Variants in TMEM163 observed in about 807,000 individuals in gnomAD.
TMEM163 encodes the protein transmembrane protein 163.
Under a neutral mutation model 29.3 loss-of-function variants are expected in TMEM163, and 17 were observed. The observed-to-expected ratio is 0.58, with a 90% CI of 0.40 to 0.87. The LOEUF (loss-of-function observed/expected upper bound fraction) is 0.87. TMEM163 is among the 40% of genes least tolerant of loss of function. The pLI is 0.00. For synonymous variants in TMEM163, 157 were observed against 160.6 expected (o/e 0.98, Z 0.17); for missense variants, 303 against 381.5 (o/e 0.79, Z 1.71).
At position 134,596,088 on chromosome 2, in the gene TMEM163, T is replaced by G. The variant is rs1038756952; in HGVS notation, c.323-43997A>C. Among the ~76,000 whole-genome samples, 3 of 152,372 alleles carry G rather than the reference T, an allele frequency of 2.0e-5. No individual in the cohort carries two copies. The East Asian group carries it at 5.8e-4, about 29-fold the overall frequency. On this transcript the variant is annotated intron_variant, in intron 2 of 7. Transcript: ENST00000281924. ...GCCGGTTCACTCTGATGGTAGTTTC[T>G]TTTGCTGCGCAGAAGCTCTTTAGTT...
chr2:134,497,614 G>A (rs938160519), intron 5 of TMEM163, among the ~76,000 whole-genome samples: 1 of 152,186 alleles, frequency 6.6e-6, no homozygotes, highest in Non-Finnish European at 1.5e-5. Context: ...TAAAGCGTGC[G>A]ACTGTTTATA....
chr2:134,697,146 A>G (rs1023288213), intron 2 of TMEM163, among the ~76,000 whole-genome samples: 1 of 152,040 alleles, frequency 6.6e-6, no homozygotes, highest in Non-Finnish European at 1.5e-5. Flanking sequence ...GCTCTATGTA[A>G]ACTATAATAT....
intron 2 of TMEM163, among the ~76,000 whole-genome samples, chr2:134,674,889 GT>G (rs1684081765): frequency 6.6e-6 from 1 of 152,140 alleles, no homozygotes; most frequent in African/African-American, 2.4e-5. Context: ...ATTGATCTTT[GT>G]AGCCAAAGCT....
At chr2:134,715,484 A>G (rs556135723) in intron 1 of TMEM163, among the ~76,000 whole-genome samples, 2 of 152,246 alleles carry the variant, frequency 1.3e-5, no homozygotes, top group Non-Finnish European at 2.9e-5. Flanking sequence ...AATAAGTACA[A>G]TGGGAAGACT....
chr2:134,692,076 GAGA>G (rs1242744542), intron 2 of TMEM163, among the ~76,000 whole-genome samples: 5 of 152,096 alleles, frequency 3.3e-5, no homozygotes, highest in African/African-American at 9.7e-5. Flanking sequence ...TTGACACAGG[GAGA>G]AGTAGAGAGA....
rs538319012 is a variant in TMEM163, at chr2:134,472,852, A to C, written c.556-6627T>G. Reference sequence around the variant, plus strand: ...CTATGCCATTAAAAAGATGTCAACCAATTAAAAAACTGAATTATACAAGGC... The same window carrying C: ...CTATGCCATTAAAAAGATGTCAACCCATTAAAAAACTGAATTATACAAGGC... On this transcript the variant is annotated intron_variant, in intron 5 of 7. Coordinates refer to ENST00000281924, the MANE Select transcript of TMEM163 (RefSeq NM_030923.5). Among the ~76,000 whole-genome samples, 7 of 152,358 alleles carry C rather than the reference A, an allele frequency of 4.6e-5. No homozygotes were observed. The South Asian group carries it at 1.4e-3, about 32-fold the overall frequency.
chr2:134,610,809 G>T (rs184198646), intron 2 of TMEM163, among the ~76,000 whole-genome samples: 1 of 152,286 alleles, frequency 6.6e-6, no homozygotes, highest in African/African-American at 2.4e-5. Flanking sequence ...CCAGGGTGAA[G>T]AACACAGCAC....
rs537663984 is a variant in TMEM163 at position 134,614,087 on chromosome 2, A to G, written c.323-61996T>C. 1.6e-3 allele frequency among the ~76,000 whole-genome samples: 247 copies of G among 152,328 alleles called. 1 individual carries two copies. The highest frequency in any genetic ancestry group is 9.7e-3 in the South Asian group (47 of 4,822). ...TAATGTTAAGGCTTATTATAGAGCTATGGTAATCAACACAATATAATACTG... is the reference window on the plus strand; with the variant it reads ...TAATGTTAAGGCTTATTATAGAGCTGTGGTAATCAACACAATATAATACTG... On this transcript the variant is annotated intron_variant, in intron 2 of 7. Coordinates refer to ENST00000281924, the MANE Select transcript of TMEM163 (RefSeq NM_030923.5).
chr2:134,675,732 C>G (rs898853500), intron 2 of TMEM163, among the ~76,000 whole-genome samples: 2 of 152,192 alleles, frequency 1.3e-5, no homozygotes, highest in Admixed American at 1.3e-4. Flanking sequence ...ACAGGGCAGC[C>G]TCCAGTGAAA....
chr2:134,512,048 T>C (rs1384352845), intron 4 of TMEM163, among the ~76,000 whole-genome samples: 1 of 152,182 alleles, frequency 6.6e-6, no homozygotes, highest in Non-Finnish European at 1.5e-5. Flanking sequence ...CTATGAAACA[T>C]GAAGAAACAC....
intron 2 of TMEM163, among the ~76,000 whole-genome samples, chr2:134,671,338 C>T (rs557859032): frequency 9.9e-5 from 15 of 152,242 alleles, no homozygotes; most frequent in Admixed American, 9.1e-4. Context: ...CCCTCCCCAA[C>T]TCCTGGCTCC....
At chr2:134,469,085 G>A (rs634542) in intron 5 of TMEM163, 25,851 of 152,114 alleles carry the variant, frequency 0.17, 2,746 homozygotes, top group South Asian at 0.31. Flanking sequence ...AGACAAGCCT[G>A]GTCAGCATTC....
At chr2:134,567,318 A>C (rs1208226526) in intron 2 of TMEM163, among the ~76,000 whole-genome samples, 1 of 152,222 alleles carries the variant, frequency 6.6e-6, no homozygotes, top group Non-Finnish European at 1.5e-5. Flanking sequence ...TAAGTTACAG[A>C]TATTTTAAAC....
intron 2 of TMEM163, among the ~76,000 whole-genome samples, chr2:134,626,629 G>T (rs1682858417): frequency 6.6e-6 from 1 of 152,146 alleles, no homozygotes; most frequent in Admixed American, 6.6e-5. Flanking sequence ...GCCATGAAAG[G>T]CAATATATCC....
At chr2:134,478,676 A>C (rs1460107450) in intron 5 of TMEM163, among the ~76,000 whole-genome samples, 1 of 152,212 alleles carries the variant, frequency 6.6e-6, no homozygotes, top group African/African-American at 2.4e-5. Context: ...AGAGTGTTAA[A>C]AGTTTGCAAA....
At chr2:134,696,532 A>G (rs1009497043) in intron 2 of TMEM163, among the ~76,000 whole-genome samples, 1 of 152,202 alleles carries the variant, frequency 6.6e-6, no homozygotes, top group African/African-American at 2.4e-5. Flanking sequence ...TCTGAACATG[A>G]GATTTCTCTC....
intron 2 of TMEM163, among the ~76,000 whole-genome samples, chr2:134,659,677 C>T (rs1683704745): frequency 6.6e-6 from 1 of 152,186 alleles, no homozygotes; most frequent in African/African-American, 2.4e-5. Flanking sequence ...CAAGTGAAGG[C>T]AGACAAATAT....
intron 4 of TMEM163, among the ~76,000 whole-genome samples, chr2:134,534,434 T>C (rs1011507921): frequency 1.3e-5 from 2 of 152,172 alleles, no homozygotes; most frequent in Non-Finnish European, 2.9e-5. Context: ...TAACCTGTCA[T>C]GGAAGTTCCT....
intron 5 of TMEM163, chr2:134,466,713 C>A (rs562858706): frequency 6.5e-6 from 1 of 154,878 alleles, no homozygotes; most frequent in African/African-American, 2.4e-5. Context: ...CATATTTTTT[C>A]CCCTTAAATT....
Sources: allele counts gnomAD v4.1 joint callset (sites outside exome capture counted in the v4.1 genomes callset), GRCh38; gene constraint gnomAD v4.1.1; transcripts MANE v1.5; gene names NCBI Gene and HGNC (gene_info 2026-07-23, HGNC 2026-07-21).